Variants in PLCG2 observed in about 807,000 individuals in gnomAD.
PLCG2 encodes 1-phosphatidylinositol 4,5-bisphosphate phosphodiesterase gamma-2.
PLCG2 carries 69 observed loss-of-function variants against 175.6 expected under a neutral mutation model. The ratio of observed to expected loss-of-function variants is 0.39; its 90% CI spans 0.32 to 0.48. The LOEUF is 0.48. Ranked by LOEUF, PLCG2 falls within the 20% of genes least tolerant of loss-of-function variation. The pLI, the probability that PLCG2 is intolerant of heterozygous loss-of-function variation, is 0.91. For missense variants in PLCG2, 1,798 were observed against 1,650.9 expected (o/e 1.09, Z -1.54); for synonymous variants, 827 against 624.0 (o/e 1.33, Z -4.85).
At chr16:81,812,888 CA>C (rs1904378939) in intron 2 of PLCG2, among the ~76,000 whole-genome samples, 1 of 152,172 alleles carries the variant, frequency 6.6e-6, no homozygotes, top group Non-Finnish European at 1.5e-5. Context: ...CAGTTTTCTG[CA>C]TATGGCTAGC....
At chr16:81,781,860 T>G (rs1380516416) in intron 1 of PLCG2, among the ~76,000 whole-genome samples, 1 of 51,412 alleles carries the variant, frequency 1.9e-5, no homozygotes, top group Non-Finnish European at 3.4e-5. Context: ...TCATTTCATG[T>G]CCTTTCCCCC....
intron 18 of PLCG2, among the ~76,000 whole-genome samples, chr16:81,911,945 C>G (rs1407442539): frequency 6.6e-6 from 1 of 151,672 alleles, no homozygotes; most frequent in Non-Finnish European, 1.5e-5. Context: ...CTACAGGCGC[C>G]TGCCACCATG....
chr16:81,923,527 C>T lies in PLCG2; in HGVS notation c.2350C>T (p.Arg784Ter), dbSNP rs1567534502. The change falls in exon 22 of 33, where the codon CGA becomes TGA. Residue 784 changes from arginine to a stop codon, truncating the protein, a stop_gained. Transcript: ENST00000564138. LOFTEE classifies it high-confidence loss of function. ...VKALYDYKAK[R>*]SDELSFCRGA... ...AGCTCTGTATGACTACAAAGCCAAG[C>T]GAAGCGATGAGCTGAGCTTCTGCCG... 2 of 1,613,702 alleles carry T rather than the reference C, an allele frequency of 1.2e-6. No individual in the cohort carries two copies. The highest frequency in any genetic ancestry group is 1.1e-5 in the South Asian group (1 of 91,066).
chr16:81,794,084 C>T (rs1911357939), intron 2 of PLCG2, among the ~76,000 whole-genome samples: 1 of 152,134 alleles, frequency 6.6e-6, no homozygotes, highest in South Asian at 2.1e-4. Flanking sequence ...AGGACTTGCT[C>T]TGCCAGGTGC....
At chr16:81,925,527 T>G (rs899597193) in intron 22 of PLCG2, among the ~76,000 whole-genome samples, 7 of 152,176 alleles carry the variant, frequency 4.6e-5, no homozygotes, top group African/African-American at 1.7e-4. Flanking sequence ...CAGTCCTCAC[T>G]CTGCTTATTC....
At chr16:81,756,018 G>C (rs144885676) in intron 2 of PLCG2, 91 of 153,444 alleles carry the variant, frequency 5.9e-4, no homozygotes, top group African/African-American at 2.1e-3. Context: ...CTCCAGGCCA[G>C]TCAGCAGCAC....
At chr16:81,812,920 A>C (rs1254675006) in intron 2 of PLCG2, among the ~76,000 whole-genome samples, 2 of 152,292 alleles carry the variant, frequency 1.3e-5, no homozygotes, top group East Asian at 3.9e-4. Context: ...AACACCATTT[A>C]TTAAGTAGGG....
chr16:81,760,014 T>G (rs1230650633), intron 2 of PLCG2, among the ~76,000 whole-genome samples: 1 of 152,118 alleles, frequency 6.6e-6, no homozygotes, highest in Non-Finnish European at 1.5e-5. Flanking sequence ...TAGTCCCAGC[T>G]GCTGGGGAGG....
chr16:81,895,715 C>T, intron 12 of PLCG2, 92 bp from the exon 13 acceptor site: 1 of 1,421,336 alleles, frequency 7.0e-7, no homozygotes, highest in Non-Finnish European at 9.8e-7. Flanking sequence ...GTGTCCTTGT[C>T]TAGTAACTGA....
intron 1 of PLCG2, among the ~76,000 whole-genome samples, chr16:81,744,007 C>T (rs1021131800): frequency 5.3e-5 from 8 of 151,794 alleles, no homozygotes; most frequent in African/African-American, 9.7e-5. Flanking sequence ...TACAGGCATC[C>T]GCCACTGCAC....
Position 81,937,945 on chromosome 16 carries a change from C to G in PLCG2, c.3198+42C>G, listed in dbSNP as rs4606713. ...CTTCCTGCCAGGGGAGCCAGCCGCC[C>G]TCCCTGGGGGCTGGGCCGATGCTGT... On this transcript the variant is annotated intron_variant, in intron 28 of 32. Coordinates refer to ENST00000564138, the MANE Select transcript of PLCG2 (RefSeq NM_002661.5). The G allele has an allele frequency of 3.9e-4, 624 of 1,602,080 alleles. 1 individual carries two copies. In the African/African-American group the frequency reaches 7.3e-3, roughly 19 times the overall value.
chr16:81,909,136 T>G lies in PLCG2; in HGVS notation c.1733+545T>G, dbSNP rs187253110. ...TGCCCTGTGCTAGACACAGTACTTA[T>G]GCCAGACAGACAATGTCTTTGTCCT... is the stretch of plus-strand genomic sequence containing the variant. On this transcript the variant is annotated intron_variant, in intron 17 of 32. Transcript: ENST00000564138. Among the ~76,000 whole-genome samples, 986 of 152,376 alleles carry G rather than the reference T, an allele frequency of 6.5e-3. 5 individuals carry two copies. Among genetic ancestry groups the G allele is most frequent in the Middle Eastern group, 0.031 (9 of 294 alleles).
upstream of PLCG2, among the ~76,000 whole-genome samples, chr16:81,778,075 C>CAAA (rs1567458043): frequency 1.1e-3 from 102 of 91,736 alleles, 2 homozygotes; most frequent in South Asian, 3.3e-3. Context: ...CAAAAACACA[C>CAAA]ACACACAAAA....
intron 1 of PLCG2, among the ~76,000 whole-genome samples, chr16:81,754,259 TCCCTCCCCATCTCATTCCCTC>T (rs1387286929): frequency 1.2e-5 from 1 of 82,082 alleles, no homozygotes; most frequent in Non-Finnish European, 2.5e-5. Flanking sequence ...CTCCTTCCCT[TCCCTCCCCATCTCATTCCCTC>T]CCCTCCCCAC....
At chr16:81,880,976 T>C in intron 8 of PLCG2, 23 bp downstream of exon 8, 1 of 1,613,578 alleles carries the variant, frequency 6.2e-7, no homozygotes, top group Non-Finnish European at 8.5e-7. Flanking sequence ...TTGTGTGTCG[T>C]TCGGGGCGGC....
Position 81,851,465 on chromosome 16 carries a change from T to C in PLCG2, c.194-2979T>C, listed in dbSNP as rs1158849368. On this transcript the variant is annotated intron_variant, in intron 2 of 32. Transcript: ENST00000564138. ...TGTCTACCACCGTACATGCACAGGA[T>C]GTAGATGACGTGCTGTTTTTTTACT... is the stretch of plus-strand genomic sequence containing the variant. Among the ~76,000 whole-genome samples, 6 of 152,238 alleles carry C rather than the reference T, an allele frequency of 3.9e-5. 1 individual carries two copies. Among genetic ancestry groups the C allele is most frequent in the African/African-American group, 1.4e-4 (6 of 41,464 alleles).
intron 12 of PLCG2, 88 bp downstream of exon 12, chr16:81,893,882 A>T: frequency 1.2e-6 from 1 of 811,372 alleles, no homozygotes; most frequent in East Asian, 2.5e-5. Context: ...CGAATTGTAA[A>T]AAGGTTTTAA....
intron 1 of PLCG2, among the ~76,000 whole-genome samples, chr16:81,754,195 G>T (rs1333474037): frequency 6.6e-6 from 1 of 151,720 alleles, no homozygotes; most frequent in African/African-American, 2.4e-5. Context: ...CCTGAGTTGA[G>T]AGGGGATGGA....
chr16:81,889,162 T>A lies in PLCG2; in HGVS notation c.766-10T>A, dbSNP rs1222086298. 3 of 1,541,164 alleles carry A rather than the reference T, an allele frequency of 1.9e-6. No homozygotes were observed. Among genetic ancestry groups the A allele is most frequent in the Admixed American group, 1.7e-5 (1 of 57,672 alleles). ...CTTTGCTGATCTCTCGTTCTCTTTG[T>A]CATTTTAAGGAGCATTGGGCTCAGG... On this transcript the variant is annotated splice_polypyrimidine_tract_variant and intron_variant, in intron 9 of 32. Transcript: ENST00000564138.
Sources: gnomAD v4.1 joint callset for allele counts (sites outside exome capture counted in the v4.1 genomes callset) on GRCh38, gnomAD v4.1.1 for gene constraint, MANE v1.5 for transcripts, NCBI Gene and HGNC (gene_info 2026-07-23, HGNC 2026-07-21) for gene names.